Variants in IL1R1 observed in about 807,000 individuals in gnomAD.
IL1R1 encodes interleukin-1 receptor type 1.
A neutral mutation model predicts 50.2 loss-of-function variants in IL1R1; 22 were observed. The observed-to-expected ratio is 0.44, with a 90% confidence interval of 0.31 to 0.63. The LOEUF is 0.63. IL1R1 is among the 20% of genes least tolerant of loss of function. The probability of loss-of-function intolerance (pLI) is 0.07; values close to 1 mark genes in which losing one functional copy is unlikely to be tolerated. For missense variants in IL1R1, 509 were observed against 676.2 expected, an observed-to-expected ratio of 0.75 and a Z score of 2.74; for synonymous variants, 251 against 236.7, an observed-to-expected ratio of 1.06 and a Z score of -0.55.
chr2:102,073,868 T>C (rs545369972), intron 1 of IL1R1, among the ~76,000 whole-genome samples: 5 of 152,266 alleles, frequency 3.3e-5, no homozygotes, highest in African/African-American at 9.6e-5. Context: ...TAGAGTTTCA[T>C]TGACCCTTTC....
At chr2:102,130,303 T>G (rs1681960156) in intron 1 of IL1R1, among the ~76,000 whole-genome samples, 1 of 152,214 alleles carries the variant, frequency 6.6e-6, no homozygotes, top group Non-Finnish European at 1.5e-5. Context: ...GGTAATAATG[T>G]TTTTGAACAT....
Position 102,117,652 on chromosome 2 carries a change from C to A in IL1R1, c.-84+12780C>A, listed in dbSNP as rs372847186. ...CCACCCATTCCAAAGAGAACTGAAG[C>A]AAGCTTGTGGCTTGTTTAGATGTGG... On this transcript the variant is annotated intron_variant, in intron 1 of 10. Coordinates refer to the IL1R1 transcript ENST00000409329. Among the ~76,000 whole-genome samples the A allele has an allele frequency of 4.6e-5, 7 of 152,276 alleles. No individual in the cohort carries two copies. In the East Asian group the frequency reaches 1.2e-3, roughly 25 times the overall value.
At chr2:102,086,182 A>C (rs1679421373) in intron 1 of IL1R1, among the ~76,000 whole-genome samples, 1 of 152,190 alleles carries the variant, frequency 6.6e-6, no homozygotes, top group Non-Finnish European at 1.5e-5. Context: ...AAATAATGGC[A>C]TTAATTTTTA....
rs549861983 is a variant in IL1R1 at position 102,095,967 on chromosome 2, C to A, written c.-84+25434C>A. Reference sequence around the variant, plus strand: ...GCAGTGAGCCGAGATCGTGCCACTGCACTCCAGCCTGGCGATATAGCCAGA... The same window carrying A: ...GCAGTGAGCCGAGATCGTGCCACTGAACTCCAGCCTGGCGATATAGCCAGA... On this transcript the variant is annotated intron_variant, in intron 1 of 11. Coordinates refer to the IL1R1 transcript ENST00000409929. Among the ~76,000 whole-genome samples, 5 of 152,238 alleles carry A rather than the reference C, an allele frequency of 3.3e-5. 1 individual carries two copies. Among genetic ancestry groups the A allele is most frequent in the Admixed American group, 2.0e-4 (3 of 15,294 alleles).
At chr2:102,121,588 C>A (rs1196094216) in intron 1 of IL1R1, among the ~76,000 whole-genome samples, 1 of 152,214 alleles carries the variant, frequency 6.6e-6, no homozygotes, top group African/African-American at 2.4e-5. Flanking sequence ...AAGGTCTCCA[C>A]TGTCCAAGTC....
chr2:102,171,469 C>T (rs1211567166), intron 7 of IL1R1, among the ~76,000 whole-genome samples: 1 of 152,078 alleles, frequency 6.6e-6, no homozygotes, highest in Non-Finnish European at 1.5e-5. Flanking sequence ...AATAGTTAAT[C>T]ATAGTGTATA....
At chr2:102,084,489 A>G (rs1214398320) in intron 1 of IL1R1, among the ~76,000 whole-genome samples, 2 of 152,220 alleles carry the variant, frequency 1.3e-5, no homozygotes, top group Non-Finnish European at 2.9e-5. Flanking sequence ...GTACAAAGTT[A>G]ACCAGTCTTA....
intron 1 of IL1R1, among the ~76,000 whole-genome samples, chr2:102,122,295 A>G (rs1379265175): frequency 6.6e-6 from 1 of 152,226 alleles, no homozygotes; most frequent in Non-Finnish European, 1.5e-5. Flanking sequence ...TCTCATGAGA[A>G]CATAATGAGT....
rs145282524 is a variant in IL1R1, at chr2:102,090,835, A to G, written c.-84+20302A>G. Among the ~76,000 whole-genome samples the G allele has an allele frequency of 2.2e-3, 336 of 152,046 alleles. 4 individuals are homozygous for G. The highest frequency in any genetic ancestry group is 0.016 in the Admixed American group (241 of 15,260). On this transcript the variant is annotated intron_variant, in intron 1 of 11. Coordinates refer to the IL1R1 transcript ENST00000409929. ...TGCTTTTTTCTCTTAATTATTAGCC[A>G]TATTTTCTCGTCTCTGTGGTAAATT... is the stretch of plus-strand genomic sequence containing the variant.
chr2:102,145,047 A>AGGC (rs767552061), intron 1 of IL1R1, among the ~76,000 whole-genome samples: 10 of 152,210 alleles, frequency 6.6e-5, no homozygotes, highest in Non-Finnish European at 8.8e-5. Context: ...GTAATAAGAG[A>AGGC]GGCAAAGCTG....
At chr2:102,140,622 T>G (rs1205777028), upstream of IL1R1, among the ~76,000 whole-genome samples, 3 of 152,334 alleles carry the variant, frequency 2.0e-5, no homozygotes, top group East Asian at 5.8e-4. Flanking sequence ...AGAGCATTTT[T>G]GTGGTGCTGA....
At chr2:102,094,393 A>T (rs1434972066) in intron 1 of IL1R1, among the ~76,000 whole-genome samples, 1 of 152,234 alleles carries the variant, frequency 6.6e-6, no homozygotes, top group East Asian at 1.9e-4. Context: ...GGGTCTGATT[A>T]TAAAGAAACT....
chr2:102,108,064 T>A lies in IL1R1; in HGVS notation c.-84+3192T>A, dbSNP rs141078749. 5.0e-3 allele frequency among the ~76,000 whole-genome samples: 769 copies of A among 152,318 alleles called. 5 individuals carry two copies. The highest frequency in any genetic ancestry group is 8.1e-3 in the Non-Finnish European group (550 of 68,018). On this transcript the variant is annotated intron_variant, in intron 1 of 10. Coordinates refer to the IL1R1 transcript ENST00000409329. ...GCAAGATAGAGGCAAGCTTTTTGAA[T>A]AGAGGAAAAGCAAAAATGCAAAATG...
At chr2:102,173,722 G>A (rs3917312) in intron 9 of IL1R1, among the ~76,000 whole-genome samples, 3 of 152,178 alleles carry the variant, frequency 2.0e-5, no homozygotes, top group Admixed American at 6.5e-5. Context: ...AGCAGTATTT[G>A]TACAAGTGAG....
chr2:102,152,504 CAAAAAAAAAAAAAAAAAAA>C (rs70946674), intron 1 of IL1R1, among the ~76,000 whole-genome samples: 1,409 of 29,682 alleles, frequency 0.047, 58 homozygotes, highest in African/African-American at 0.19. Flanking sequence ...GACTCCGTCT[CAAAAAAAAAAAAAAAAAAA>C]AAAAAAAAAA....
intron 1 of IL1R1, among the ~76,000 whole-genome samples, chr2:102,125,891 G>A: frequency 6.6e-6 from 1 of 152,174 alleles, no homozygotes; most frequent in South Asian, 2.1e-4. Context: ...AAGACTTATT[G>A]CTGAGTAGGT....
At chr2:102,096,763 T>G (rs190650235) in intron 1 of IL1R1, among the ~76,000 whole-genome samples, 1 of 152,120 alleles carries the variant, frequency 6.6e-6, no homozygotes, top group Non-Finnish European at 1.5e-5. Context: ...TGAGTCTTTT[T>G]AAAACTTTTA....
At chr2:102,170,071 T>C (rs185250417) in intron 7 of IL1R1, among the ~76,000 whole-genome samples, 6 of 152,340 alleles carry the variant, frequency 3.9e-5, no homozygotes, top group East Asian at 1.9e-4. Context: ...CTAGGCTGCA[T>C]TGATCTCTCA....
chr2:102,176,819 G>A lies in IL1R1; in HGVS notation c.*60G>A. The A allele has an allele frequency of 1.3e-6, 2 of 1,489,568 alleles. No individual in the cohort carries two copies. Among genetic ancestry groups the A allele is most frequent in the Non-Finnish European group, 1.8e-6 (2 of 1,081,342 alleles). 92.3% of individuals were successfully genotyped at this position (1,489,568 alleles called of 1,614,324 possible). A position where few individuals can be genotyped will look rare whatever the true frequency, so the allele number is the denominator to read the frequency against. ...CCTGTCTTATGGCGTTGCAGGCCAG[G>A]TTATGCCTCATGCTGACTTGCAGAG... is the stretch of plus-strand genomic sequence containing the variant. On this transcript the variant is annotated 3_prime_UTR_variant, in exon 12 of 12. Coordinates refer to ENST00000410023, the MANE Select transcript of IL1R1 (RefSeq NM_000877.4).
Sources: allele counts gnomAD v4.1 joint callset (sites outside exome capture counted in the v4.1 genomes callset), GRCh38; gene constraint gnomAD v4.1.1; transcripts MANE v1.5; gene names NCBI Gene and HGNC (gene_info 2026-07-23, HGNC 2026-07-21).